The following DPYD variants were observed in gnomAD, a reference collection of about 807,000 sequenced individuals.
DPYD encodes dihydropyrimidine dehydrogenase, also known as dihydropyrimidine dehydrogenase [NADP(+)].
In DPYD, 109 loss-of-function variants were observed where a neutral mutation model predicts 116.2. That is an observed-to-expected ratio of 0.94 (90% CI 0.80 to 1.10). DPYD has a LOEUF of 1.10. Ranked by LOEUF, DPYD falls within the 50% of genes least tolerant of loss-of-function variation. DPYD has a pLI of 0.00. For missense variants in DPYD, 1,302 were observed against 1,254.5 expected, an observed-to-expected ratio of 1.04 and a Z score of -0.57; for synonymous variants, 440 against 432.0, an observed-to-expected ratio of 1.02 and a Z score of -0.23.
chr1:97,273,122 A>C (rs1340892037), intron 18 of DPYD, among the ~76,000 whole-genome samples: 1 of 152,164 alleles, frequency 6.6e-6, no homozygotes, highest in East Asian at 1.9e-4. Flanking sequence ...TAGTTATTTC[A>C]AACAACTTGT....
chr1:97,661,448 C>T (rs1659251789), intron 8 of DPYD, among the ~76,000 whole-genome samples: 1 of 152,088 alleles, frequency 6.6e-6, no homozygotes, highest in East Asian at 1.9e-4. Context: ...TCCTCCCCTA[C>T]TTTAGGAGAA....
At chr1:97,678,380 G>A (rs1463666523) in intron 8 of DPYD, among the ~76,000 whole-genome samples, 1 of 151,974 alleles carries the variant, frequency 6.6e-6, no homozygotes, top group Non-Finnish European at 1.5e-5. Flanking sequence ...CCGAGTTTGG[G>A]GACCCCGATT....
In DPYD at chr1:97,078,829, A is replaced by C; in HGVS notation, c.*147T>G. 1.1e-6 allele frequency: 1 copy of C among 947,968 alleles called. No homozygotes were observed. Among genetic ancestry groups the C allele is most frequent in the Non-Finnish European group, 1.6e-6 (1 of 619,318 alleles). The allele number at this position is 947,968 out of a possible 1,614,324, so 58.7% of individuals were successfully genotyped here. A position where few individuals can be genotyped will look rare whatever the true frequency, so the allele number is the denominator to read the frequency against. On this transcript the variant is annotated 3_prime_UTR_variant, in exon 23 of 23. Transcript: ENST00000370192. The stretch of plus-strand genomic sequence containing the variant: ...TTGACATGAGACATTTTTTACACTT[A>C]CAAATGTATTTTGAAATTACATATT...
chr1:97,702,537 A>G (rs1661654058), intron 5 of DPYD, among the ~76,000 whole-genome samples: 1 of 151,972 alleles, frequency 6.6e-6, no homozygotes, highest in Non-Finnish European at 1.5e-5. Flanking sequence ...GAAGACATTT[A>G]TGATGTATTT....
chr1:97,171,359 A>G (rs904285501), intron 20 of DPYD, among the ~76,000 whole-genome samples: 2 of 152,194 alleles, frequency 1.3e-5, no homozygotes, highest in African/African-American at 4.8e-5. Context: ...GGTCACTGGG[A>G]AAGAGGTAAA....
At chr1:97,829,259 A>G (rs1338878690) in intron 2 of DPYD, among the ~76,000 whole-genome samples, 2 of 151,944 alleles carry the variant, frequency 1.3e-5, no homozygotes, top group Admixed American at 6.6e-5. Flanking sequence ...ATAATGTCCA[A>G]TGTATAAGAA....
rs1420379736 is a variant in DPYD at position 97,516,005 on chromosome 1, C to CA, written c.1525-65dup. On this transcript the variant is annotated intron_variant, in intron 12 of 22. Transcript: ENST00000370192. ...CTAAATTGTCCATATAATATTTTAC[C>CA]AAAAAAATCACTTCAACACAGCATC... The CA allele has an allele frequency of 1.4e-5, 20 of 1,458,868 alleles. No individual in the cohort carries two copies. In the East Asian group the frequency reaches 1.7e-4, roughly 12 times the overall value. The allele number at this position is 1,458,868 out of a possible 1,614,324, so 90.4% of individuals were successfully genotyped here.
chr1:97,666,542 T>A (rs771830504), intron 8 of DPYD, among the ~76,000 whole-genome samples: 8 of 152,130 alleles, frequency 5.3e-5, no homozygotes, highest in Non-Finnish European at 1.2e-4. Context: ...TTATTGAAGA[T>A]GTACTTTAAA....
chr1:97,257,004 C>T (rs1663525434), intron 18 of DPYD, among the ~76,000 whole-genome samples: 1 of 152,006 alleles, frequency 6.6e-6, no homozygotes, highest in African/African-American at 2.4e-5. Flanking sequence ...CTTTGGAAAT[C>T]ACAAAGCCAA....
rs1362282246 is a variant in DPYD, at chr1:97,910,914, AT to A, written c.39+9969del. Among the ~76,000 whole-genome samples the A allele has an allele frequency of 3.3e-5, 5 of 151,928 alleles. No homozygotes were observed. The South Asian group carries it at 1.0e-3, about 31-fold the overall frequency. On this transcript the variant is annotated intron_variant, in intron 1 of 22. Transcript: ENST00000370192. ...TTTTCTTATTTGTATTCTTATTTAC[AT>A]TTTTTTATTTTACTCTTACATTAAA...
intron 20 of DPYD, among the ~76,000 whole-genome samples, chr1:97,185,450 C>T (rs1399735703): frequency 6.6e-6 from 1 of 152,078 alleles, no homozygotes; most frequent in Non-Finnish European, 1.5e-5. Flanking sequence ...TATGCATCCA[C>T]CTTATGACTG....
At chr1:97,277,381 A>T (rs1390677124) in intron 18 of DPYD, among the ~76,000 whole-genome samples, 1 of 151,972 alleles carries the variant, frequency 6.6e-6, no homozygotes, top group Non-Finnish European at 1.5e-5. Context: ...ATTAAAAAAA[A>T]AAAGAGAACA....
chr1:97,725,193 C>A (rs569867362), intron 4 of DPYD, among the ~76,000 whole-genome samples: 1 of 151,438 alleles, frequency 6.6e-6, no homozygotes, highest in East Asian at 1.9e-4. Flanking sequence ...ACAGTAATTC[C>A]ATTTACAACA....
chr1:97,754,720 A>G (rs903001657), intron 3 of DPYD, among the ~76,000 whole-genome samples: 2 of 152,206 alleles, frequency 1.3e-5, no homozygotes, highest in African/African-American at 4.8e-5. Flanking sequence ...GAATCTTCAC[A>G]GTGGTGGAGT....
intron 3 of DPYD, among the ~76,000 whole-genome samples, chr1:97,822,047 G>C (rs1668967476): frequency 6.6e-6 from 1 of 151,230 alleles, no homozygotes; most frequent in Admixed American, 6.6e-5. Context: ...TTCCTTCACT[G>C]TTTTTCTAAT....
At chr1:97,844,788 C>G (rs910794131) in intron 2 of DPYD, among the ~76,000 whole-genome samples, 1 of 152,202 alleles carries the variant, frequency 6.6e-6, no homozygotes, top group African/African-American at 2.4e-5. Context: ...CTGGGCAACC[C>G]TGCCTTCTCA....
intron 12 of DPYD, among the ~76,000 whole-genome samples, chr1:97,529,289 C>T (rs1649378791): frequency 6.6e-6 from 1 of 152,140 alleles, no homozygotes; most frequent in African/African-American, 2.4e-5. Flanking sequence ...CTATATCTAT[C>T]AAGTGCATTC....
intron 12 of DPYD, chr1:97,546,786 C>T (rs1414501180): frequency 1.2e-5 from 20 of 1,612,950 alleles, no homozygotes; most frequent in Non-Finnish European, 1.7e-5. Flanking sequence ...GATCAGACTC[C>T]TATATGGGTT....
intron 5 of DPYD, among the ~76,000 whole-genome samples, chr1:97,707,594 T>C (rs538550572): frequency 6.6e-6 from 1 of 152,126 alleles, no homozygotes; most frequent in East Asian, 1.9e-4. Flanking sequence ...ATTTCCAATT[T>C]CATCCATGGG....
Sources: allele counts gnomAD v4.1 joint callset (sites outside exome capture counted in the v4.1 genomes callset), GRCh38; gene constraint gnomAD v4.1.1; transcripts MANE v1.5; gene names NCBI Gene and HGNC (gene_info 2026-07-23, HGNC 2026-07-21).